Variants in RASEF observed in about 807,000 individuals in gnomAD.
RASEF encodes the protein ras and EF-hand domain-containing protein.
RASEF carries 68 observed loss-of-function variants against 90.1 expected under a neutral mutation model. The ratio of observed to expected loss-of-function variants is 0.75; its 90% CI spans 0.62 to 0.92. RASEF has a LOEUF of 0.92. Ranked by LOEUF, RASEF falls within the 40% of genes least tolerant of loss-of-function variation. The pLI is 0.00. For synonymous variants in RASEF, 331 were observed against 345.2 expected (o/e 0.96, Z 0.46); for missense variants, 949 against 937.2 (o/e 1.01, Z -0.16).
chr9:82,980,500 G>A lies in RASEF; in HGVS notation c.*2177C>T, dbSNP rs550196025. 3 of 152,292 alleles carry A rather than the reference G, an allele frequency of 2.0e-5. No individual in the cohort carries two copies. The South Asian group carries it at 6.2e-4, about 32-fold the overall frequency. The allele number at this position is 152,292 out of a possible 1,614,324, so 9.4% of individuals were successfully genotyped here. On this transcript the variant is annotated 3_prime_UTR_variant, in exon 17 of 17. Coordinates refer to ENST00000376447, the MANE Select transcript of RASEF (RefSeq NM_152573.4). ...CTCATCAACGTGGCTATACTGACAG[G>A]ACAATCCAGAGGTAAAGACTATGAA... is the stretch of plus-strand genomic sequence containing the variant.
intron 4 of RASEF, among the ~76,000 whole-genome samples, chr9:83,013,567 A>C (rs1829288696): frequency 6.6e-6 from 1 of 152,236 alleles, no homozygotes; most frequent in Non-Finnish European, 1.5e-5. Context: ...TATAGCCCTT[A>C]ATGCACTCTC....
chr9:83,033,914 C>T (rs960787030), intron 1 of RASEF, among the ~76,000 whole-genome samples: 1 of 152,086 alleles, frequency 6.6e-6, no homozygotes, highest in African/African-American at 2.4e-5. Flanking sequence ...ATGCCCTGAA[C>T]GAATCACACT....
At chr9:83,176,397 T>C in the RASEF span, among the ~76,000 whole-genome samples, 3 of 152,192 alleles carry the variant, frequency 2.0e-5, no homozygotes, top group Admixed American at 1.3e-4. Context: ...GTGTGTTTCC[T>C]ATAGATAGCA....
At chr9:83,171,335 T>G in the RASEF span, among the ~76,000 whole-genome samples, 2 of 151,960 alleles carry the variant, frequency 1.3e-5, no homozygotes, top group Non-Finnish European at 2.9e-5. Context: ...TTGCTGGTAT[T>G]TTATTGAAGA....
the RASEF span, among the ~76,000 whole-genome samples, chr9:83,214,809 C>T: frequency 6.6e-6 from 1 of 152,012 alleles, no homozygotes; most frequent in East Asian, 1.9e-4. Flanking sequence ...CCATGTAGAA[C>T]TGATACAGAC....
the RASEF span, among the ~76,000 whole-genome samples, chr9:83,184,358 A>G: frequency 6.6e-6 from 1 of 152,182 alleles, no homozygotes; most frequent in Non-Finnish European, 1.5e-5. Context: ...GGAGGATCTG[A>G]TCAAAGGGAA....
At chr9:83,066,834 T>C (rs1168292305), upstream of RASEF, among the ~76,000 whole-genome samples, 1 of 152,244 alleles carries the variant, frequency 6.6e-6, no homozygotes, top group Non-Finnish European at 1.5e-5. Context: ...ATTTCCTAAA[T>C]GTATTTGACT....
chr9:83,000,679 A>C (rs1829016199), intron 10 of RASEF, 109 bp from the exon 11 acceptor site: 1 of 1,032,774 alleles, frequency 9.7e-7, no homozygotes, highest in Admixed American at 2.8e-5. Flanking sequence ...ATGCAGCTAA[A>C]TCAACAGTCA....
chr9:83,211,927 T>C, the RASEF span, among the ~76,000 whole-genome samples: 2 of 152,290 alleles, frequency 1.3e-5, no homozygotes, highest in East Asian at 1.9e-4. Flanking sequence ...TGAAGACCCA[T>C]TGTCAGGAAA....
the RASEF span, among the ~76,000 whole-genome samples, chr9:83,093,539 G>A: frequency 6.6e-6 from 1 of 152,246 alleles, no homozygotes; most frequent in East Asian, 1.9e-4. Flanking sequence ...TGCTGGTCCG[G>A]GTGCTAAGCC....
the RASEF span, among the ~76,000 whole-genome samples, chr9:83,079,191 C>T: frequency 6.6e-6 from 1 of 152,258 alleles, no homozygotes; most frequent in East Asian, 1.9e-4. Context: ...TTAGGTTTTA[C>T]ATTTAAGTCT....
chr9:83,027,822 T>C (rs767893176), intron 1 of RASEF, among the ~76,000 whole-genome samples: 6 of 152,254 alleles, frequency 3.9e-5, no homozygotes, highest in African/African-American at 1.2e-4. Context: ...ATGGATGCTA[T>C]AGCCAGGTGT....
the RASEF span, among the ~76,000 whole-genome samples, chr9:83,115,350 G>GA: frequency 6.6e-6 from 1 of 152,176 alleles, no homozygotes; most frequent in African/African-American, 2.4e-5. Flanking sequence ...AAATTTACTT[G>GA]AAAAAATACA....
At chr9:83,027,766 C>T (rs2118583995) in intron 1 of RASEF, among the ~76,000 whole-genome samples, 2 of 152,242 alleles carry the variant, frequency 1.3e-5, no homozygotes, top group South Asian at 4.1e-4. Flanking sequence ...GAATAATATA[C>T]CCTTTGTGTC....
chr9:83,054,780 G>C (rs1830072042), intron 1 of RASEF: 1 of 145,922 alleles, frequency 6.9e-6, no homozygotes, highest in Admixed American at 6.7e-5. Flanking sequence ...ACCCTCAGCT[G>C]CAGGTCTGTT....
chr9:83,086,315 T>A, the RASEF span, among the ~76,000 whole-genome samples: 1 of 152,142 alleles, frequency 6.6e-6, no homozygotes, highest in South Asian at 2.1e-4. Context: ...CTCAAGAACA[T>A]ATTTGTTAAA....
At chr9:82,997,251 G>T in intron 13 of RASEF, 125 bp from the exon 14 acceptor site, 1 of 655,040 alleles carries the variant, frequency 1.5e-6, no homozygotes, top group East Asian at 2.7e-5. Context: ...TGCAATATAT[G>T]ACTGAGACAT....
chr9:83,075,391 T>C, the RASEF span, among the ~76,000 whole-genome samples: 31 of 152,238 alleles, frequency 2.0e-4, no homozygotes, highest in Admixed American at 5.9e-4. Flanking sequence ...TCAAAGTCTT[T>C]TTGAAAGTAG....
the RASEF span, among the ~76,000 whole-genome samples, chr9:83,138,282 T>C: frequency 6.6e-6 from 1 of 152,138 alleles, no homozygotes; most frequent in Non-Finnish European, 1.5e-5. Flanking sequence ...TTTTTAGATA[T>C]TTCCAACTAA....
Sources: gnomAD v4.1 joint callset for allele counts (sites outside exome capture counted in the v4.1 genomes callset) on GRCh38, gnomAD v4.1.1 for gene constraint, MANE v1.5 for transcripts, NCBI Gene and HGNC (gene_info 2026-07-23, HGNC 2026-07-21) for gene names.